GLYATL2: variants seen among roughly 807,000 people sequenced by gnomAD.
GLYATL2 encodes glycine N-acyltransferase-like protein 2.
GLYATL2 carries 25 observed loss-of-function variants against 21.4 expected under a neutral mutation model. The ratio of observed to expected loss-of-function variants is 1.17; its 90% CI spans 0.85 to 1.63. The LOEUF (loss-of-function observed/expected upper bound fraction) is 1.63. Among genes scored for constraint, GLYATL2 ranks in the 40% most tolerant of loss-of-function variants. GLYATL2 has a pLI of 0.00. For synonymous variants in GLYATL2, 114 were observed against 118.2 expected, an observed-to-expected ratio of 0.96 and a Z score of 0.23; for missense variants, 361 against 343.3, an observed-to-expected ratio of 1.05 and a Z score of -0.41.
intron 1 of GLYATL2, among the ~76,000 whole-genome samples, chr11:58,866,783 T>C (rs1854029961): frequency 6.7e-6 from 1 of 149,220 alleles, no homozygotes; most frequent in Admixed American, 6.9e-5. Flanking sequence ...AAGGTAACTT[T>C]AAAAGAATTT....
intron 1 of GLYATL2, among the ~76,000 whole-genome samples, chr11:58,857,810 G>A (rs929710768): frequency 6.9e-6 from 1 of 145,426 alleles, no homozygotes; most frequent in Non-Finnish European, 1.5e-5. Flanking sequence ...TGACCATTCA[G>A]CATAACCAAG....
chr11:58,874,891 T>A (rs887202672), intron 1 of GLYATL2, among the ~76,000 whole-genome samples: 3 of 152,226 alleles, frequency 2.0e-5, no homozygotes, highest in Non-Finnish European at 4.4e-5. Flanking sequence ...CAGTGGGGTG[T>A]TAAAGTCTCC....
intron 2 of GLYATL2, among the ~76,000 whole-genome samples, chr11:58,839,315 T>C (rs765022603): frequency 6.6e-6 from 1 of 152,086 alleles, no homozygotes; most frequent in Non-Finnish European, 1.5e-5. Context: ...GATGACAAAG[T>C]ACACCAAAGA....
At chr11:58,872,698 T>C (rs561563621) in intron 1 of GLYATL2, among the ~76,000 whole-genome samples, 31 of 152,234 alleles carry the variant, frequency 2.0e-4, no homozygotes, top group Non-Finnish European at 2.9e-4. Context: ...CCTTGTAGTA[T>C]AGTTTGAAGT....
chr11:58,875,387 A>G (rs1854209387), intron 1 of GLYATL2, among the ~76,000 whole-genome samples: 1 of 152,130 alleles, frequency 6.6e-6, no homozygotes, highest in Non-Finnish European at 1.5e-5. Flanking sequence ...CCTAGCATTG[A>G]TGGTCTTTAC....
rs545809884 is a variant in GLYATL2, at chr11:58,834,509, G to A, written c.805C>T (p.Gln269Ter). The A allele has an allele frequency of 6.8e-6, 11 of 1,613,634 alleles. No individual in the cohort carries two copies. The highest frequency in any genetic ancestry group is 1.7e-5 in the Admixed American group (1 of 60,024). The part of the protein sequence containing the change: ...HVADNNEKSL[Q>*]ALNNLGFKIC... The stretch of plus-strand genomic sequence containing the variant: ...TTAAACCCCAAATTGTTCAGTGCCT[G>A]TAGGCTTTTCTCATTATTATCTGCC... Residue 269 changes from glutamine (Q) to a stop codon, truncating the protein, a stop_gained, in exon 6 of 6, where the codon CAG (glutamine) becomes TAG (stop). Transcript: ENST00000287275. LOFTEE classifies it low-confidence loss of function (END_TRUNC).
chr11:58,849,390 GATT>G (rs1253354616), upstream of GLYATL2, among the ~76,000 whole-genome samples: 5 of 152,070 alleles, frequency 3.3e-5, no homozygotes, highest in Admixed American at 3.3e-4. Flanking sequence ...AAAGTGCTAG[GATT>G]ACAGGCATGA....
At chr11:58,845,013 G>T (rs559442467), upstream of GLYATL2, among the ~76,000 whole-genome samples, 32 of 152,238 alleles carry the variant, frequency 2.1e-4, no homozygotes, top group African/African-American at 7.2e-4. Flanking sequence ...ACAGGGAGGG[G>T]CATTGTAAGT....
At chr11:58,878,279 G>T in intron 1 of GLYATL2, 1 of 458,662 alleles carries the variant, frequency 2.2e-6, no homozygotes, top group East Asian at 5.1e-5. Context: ...AGCAGGATCT[G>T]AAGTGGAGCT....
intron 1 of GLYATL2, among the ~76,000 whole-genome samples, chr11:58,861,935 G>A (rs1853938838): frequency 6.6e-6 from 1 of 151,896 alleles, no homozygotes; most frequent in African/African-American, 2.4e-5. Context: ...GACATGCTTT[G>A]TGTCCTAACA....
At position 58,888,237 on chromosome 11, in the gene GLYATL2, A is replaced by G. The variant is rs141422511; in HGVS notation, n.60+15919T>C. Among the ~76,000 whole-genome samples, 5 of 152,180 alleles carry G rather than the reference A, an allele frequency of 3.3e-5. No homozygotes were observed. The South Asian group carries it at 6.2e-4, about 19-fold the overall frequency. ...ATACTAACACAAGGTGTATGCTACA[A>G]ATTTGTTGCCCAATTTAGAATTATT... On this transcript the variant is annotated intron_variant and non_coding_transcript_variant, in intron 1 of 4. Coordinates refer to the GLYATL2 transcript ENST00000533636.
intron 1 of GLYATL2, among the ~76,000 whole-genome samples, chr11:58,900,021 G>C (rs1240828336): frequency 6.6e-6 from 1 of 152,014 alleles, no homozygotes; most frequent in African/African-American, 2.4e-5. Flanking sequence ...TGGGGGGTGG[G>C]GGGAGATCGA....
chr11:58,868,719 C>T (rs1301278771), intron 1 of GLYATL2, among the ~76,000 whole-genome samples: 1 of 149,098 alleles, frequency 6.7e-6, no homozygotes, highest in African/African-American at 2.4e-5. Flanking sequence ...CCAATTTTGG[C>T]TGGAGATGAG....
chr11:58,907,018 C>G (rs144754175), upstream of GLYATL2, among the ~76,000 whole-genome samples: 1 of 152,168 alleles, frequency 6.6e-6, no homozygotes, highest in Non-Finnish European at 1.5e-5. Context: ...AAAGGTTGAT[C>G]TGAGCCAAAC....
intron 2 of GLYATL2, among the ~76,000 whole-genome samples, chr11:58,839,100 G>A (rs1446445087): frequency 6.6e-6 from 1 of 152,104 alleles, no homozygotes; most frequent in East Asian, 1.9e-4. Flanking sequence ...ATGTTGAGAG[G>A]CAAAATAAAA....
rs185807722 is a variant in GLYATL2, at chr11:58,852,895, C to T, written n.61-14527G>A. 3.6e-3 allele frequency among the ~76,000 whole-genome samples: 554 copies of T among 152,304 alleles called. 2 individuals are homozygous for T. The highest frequency in any genetic ancestry group is 5.3e-3 in the Non-Finnish European group (361 of 68,026). Reference sequence around the variant, plus strand: ...CTGTTCCCAAGCTGAGTGCTAAGGTCTTTCCTCAATAATGAATTCTTTTTT... The same window carrying T: ...CTGTTCCCAAGCTGAGTGCTAAGGTTTTTCCTCAATAATGAATTCTTTTTT... On this transcript the variant is annotated intron_variant and non_coding_transcript_variant, in intron 1 of 4. Transcript: ENST00000533636.
intron 1 of GLYATL2, among the ~76,000 whole-genome samples, chr11:58,843,470 C>T (rs71486426): frequency 6.6e-6 from 1 of 152,002 alleles, no homozygotes; most frequent in Non-Finnish European, 1.5e-5. Context: ...GCTCAGCTCC[C>T]TGAGAGTAGA....
chr11:58,843,515 G>GT (rs1385726500), intron 1 of GLYATL2, among the ~76,000 whole-genome samples: 1 of 152,144 alleles, frequency 6.6e-6, no homozygotes, highest in African/African-American at 2.4e-5. Context: ...ACCAAGGTTG[G>GT]TTTTTTCAGG....
chr11:58,891,604 C>A (rs927277116), intron 1 of GLYATL2, among the ~76,000 whole-genome samples: 1 of 152,306 alleles, frequency 6.6e-6, no homozygotes, highest in Admixed American at 6.5e-5. Context: ...GCCCCTTTCC[C>A]TCCACCCTCT....
Sources: gnomAD v4.1 joint callset for allele counts (sites outside exome capture counted in the v4.1 genomes callset) on GRCh38, gnomAD v4.1.1 for gene constraint, MANE v1.5 for transcripts, NCBI Gene and HGNC (gene_info 2026-07-23, HGNC 2026-07-21) for gene names.